EMC2: variants seen among roughly 807,000 people sequenced by gnomAD.
EMC2 encodes the protein ER membrane protein complex subunit 2.
EMC2 carries 37 observed loss-of-function variants against 51.6 expected under a neutral mutation model. The observed-to-expected ratio is 0.72, with a 90% CI of 0.55 to 0.94. The LOEUF (loss-of-function observed/expected upper bound fraction) is 0.94, where lower values mean the gene tolerates loss of function less well. EMC2 is among the 40% of genes least tolerant of loss of function. The pLI, the probability that EMC2 is intolerant of heterozygous loss-of-function variation, is 0.00. For synonymous variants in EMC2, 131 were observed against 112.4 expected, an observed-to-expected ratio of 1.17 and a Z score of -1.04; for missense variants, 359 against 350.9, an observed-to-expected ratio of 1.02 and a Z score of -0.18.
In EMC2 at chr8:108,478,995, T is replaced by C. The variant is rs555167716; in HGVS notation, c.703-11T>C. The C allele has an allele frequency of 8.1e-5, 123 of 1,524,456 alleles. No homozygotes were observed. The highest frequency in any genetic ancestry group is 3.6e-4 in the Middle Eastern group (2 of 5,506). 94.4% of individuals were successfully genotyped at this position (1,524,456 alleles called of 1,614,324 possible). ...AGGAATTTTGCTTTTGATGTTTTTA[T>C]TTGTTTTTAGTCGGCAAGTCATATT... On this transcript the variant is annotated splice_polypyrimidine_tract_variant and intron_variant, in intron 9 of 10. Coordinates refer to ENST00000220853, the MANE Select transcript of EMC2 (RefSeq NM_014673.5).
intron 3 of EMC2, among the ~76,000 whole-genome samples, chr8:108,451,759 A>G (rs972338814): frequency 1.3e-4 from 20 of 152,224 alleles, no homozygotes; most frequent in African/African-American, 4.8e-4. Context: ...GTCAAATTAG[A>G]TAACACTATT....
intron 7 of EMC2, 77 bp downstream of exon 7, chr8:108,470,198 A>G: frequency 1.1e-6 from 1 of 948,980 alleles, no homozygotes. Flanking sequence ...GTGGTTTCCA[A>G]AGGATTGGTG....
chr8:108,453,618 C>T (rs1413506505), intron 4 of EMC2, among the ~76,000 whole-genome samples: 2 of 151,538 alleles, frequency 1.3e-5, no homozygotes, highest in Non-Finnish European at 2.9e-5. Flanking sequence ...CAACAATATT[C>T]GGTAGTGTTT....
intron 5 of EMC2, among the ~76,000 whole-genome samples, chr8:108,468,921 A>G (rs924226149): frequency 6.6e-6 from 1 of 152,092 alleles, no homozygotes; most frequent in Non-Finnish European, 1.5e-5. Context: ...TGCAGTTTCC[A>G]TAAATAACTT....
At chr8:108,460,271 C>T (rs761695713) in intron 5 of EMC2, among the ~76,000 whole-genome samples, 38 of 152,298 alleles carry the variant, frequency 2.5e-4, no homozygotes, top group African/African-American at 9.1e-4. Context: ...TTCACTTCTT[C>T]AGACTATAAG....
chr8:108,446,822 TG>T (rs1454990208), intron 1 of EMC2, among the ~76,000 whole-genome samples: 1 of 152,212 alleles, frequency 6.6e-6, no homozygotes, highest in African/African-American at 2.4e-5. Context: ...GTGCTACAAA[TG>T]TATTTATTAC....
chr8:108,453,575 T>C (rs1438660559), intron 4 of EMC2, among the ~76,000 whole-genome samples: 1 of 152,098 alleles, frequency 6.6e-6, no homozygotes, highest in East Asian at 1.9e-4. Flanking sequence ...TAGTCATTCT[T>C]TTGTCCTGTC....
chr8:108,449,763 C>A, intron 1 of EMC2, 60 bp from the exon 2 acceptor site: 1 of 677,112 alleles, frequency 1.5e-6, no homozygotes, highest in Non-Finnish European at 2.5e-6. Context: ...TGACATCTAT[C>A]GGATGTGTAT....
chr8:108,486,214 T>A (rs1187693474), intron 10 of EMC2, among the ~76,000 whole-genome samples: 1 of 151,950 alleles, frequency 6.6e-6, no homozygotes, highest in Non-Finnish European at 1.5e-5. Flanking sequence ...TTCATTATTT[T>A]GGTCTGAATA....
In EMC2 at chr8:108,478,988, G is replaced by T. The variant is rs780909078; in HGVS notation, c.703-18G>T. On this transcript the variant is annotated intron_variant, in intron 9 of 10. Coordinates refer to ENST00000220853, the MANE Select transcript of EMC2 (RefSeq NM_014673.5). ...GCAAAAAAGGAATTTTGCTTTTGAT[G>T]TTTTTATTTGTTTTTAGTCGGCAAG... 8 of 1,484,526 alleles carry T rather than the reference G, an allele frequency of 5.4e-6. No homozygotes were observed. The East Asian group carries it at 1.9e-4, about 36-fold the overall frequency. The allele number at this position is 1,484,526 out of a possible 1,614,324, so 92.0% of individuals were successfully genotyped here.
rs56319322 is a variant in EMC2 at position 108,457,331 on chromosome 8, CGTGTGTGTGTGTGTGTGTGTGTGTGT to C, written c.363+1418_363+1443del. On this transcript the variant is annotated intron_variant, in intron 5 of 10. Transcript: ENST00000220853. ...TTGTGTAGGGATGTGCGTGTGTGTG[CGTGTGTGTGTGTGTGTGTGTGTGTGT>C]GTGTGTGTGTGTGTGTCTATGTATT... Among the ~76,000 whole-genome samples the C allele has an allele frequency of 1.6e-4, 20 of 128,084 alleles. No individual in the cohort carries two copies. In the East Asian group the frequency reaches 4.5e-3, roughly 29 times the overall value. 84.0% of individuals were successfully genotyped at this position (128,084 alleles called of 152,430 possible).
At chr8:108,466,043 A>G (rs1819457066) in intron 5 of EMC2, among the ~76,000 whole-genome samples, 1 of 152,212 alleles carries the variant, frequency 6.6e-6, no homozygotes, top group Non-Finnish European at 1.5e-5. Flanking sequence ...TCACTGAGCT[A>G]AACACTTTAC....
intron 1 of EMC2, among the ~76,000 whole-genome samples, chr8:108,445,803 T>A (rs969027903): frequency 2.0e-5 from 3 of 152,232 alleles, no homozygotes; most frequent in African/African-American, 7.2e-5. Context: ...GCTCAGTAAT[T>A]ATTTGATGAC....
intron 10 of EMC2, among the ~76,000 whole-genome samples, chr8:108,480,191 C>T (rs1385481471): frequency 6.6e-6 from 1 of 151,982 alleles, no homozygotes; most frequent in Non-Finnish European, 1.5e-5. Flanking sequence ...TTCAGTAATA[C>T]GTGTATTAGA....
intron 10 of EMC2, among the ~76,000 whole-genome samples, chr8:108,484,169 G>A (rs1364620580): frequency 2.0e-5 from 3 of 152,086 alleles, no homozygotes; most frequent in Middle Eastern, 3.4e-3. Context: ...CTTCTTTGTT[G>A]CACTGGTAAA....
chr8:108,447,641 C>G (rs1818909669), intron 1 of EMC2, among the ~76,000 whole-genome samples: 1 of 152,104 alleles, frequency 6.6e-6, no homozygotes. Context: ...ACTGCAGTGA[C>G]ATCTCATGCA....
At chr8:108,450,886 G>T (rs188974273) in intron 3 of EMC2, among the ~76,000 whole-genome samples, 47 of 152,218 alleles carry the variant, frequency 3.1e-4, no homozygotes, top group Admixed American at 3.0e-3. Context: ...AAATCCCGAC[G>T]TATAGAACAT....
intron 1 of EMC2, among the ~76,000 whole-genome samples, chr8:108,444,238 T>A (rs1431363628): frequency 1.3e-5 from 2 of 152,210 alleles, no homozygotes; most frequent in African/African-American, 4.8e-5. Flanking sequence ...TAGTCTAGTC[T>A]CTGTCCCACT....
At chr8:108,456,812 T>A (rs1011293759) in intron 5 of EMC2, among the ~76,000 whole-genome samples, 5 of 152,274 alleles carry the variant, frequency 3.3e-5, no homozygotes, top group Middle Eastern at 3.4e-3. Context: ...AGATAATACA[T>A]CAGTCATTTT....
Sources: allele counts gnomAD v4.1 joint callset (sites outside exome capture counted in the v4.1 genomes callset), GRCh38; gene constraint gnomAD v4.1.1; transcripts MANE v1.5; gene names NCBI Gene and HGNC (gene_info 2026-07-23, HGNC 2026-07-21).